Variants in MMAA observed in about 807,000 individuals in gnomAD.
MMAA encodes methylmalonic aciduria type A protein, mitochondrial.
In MMAA, 41 loss-of-function variants were observed where a neutral mutation model predicts 45.0. That is an observed-to-expected ratio of 0.91 (90% confidence interval 0.71 to 1.18). The LOEUF (loss-of-function observed/expected upper bound fraction) is 1.18. Ranked by LOEUF, MMAA falls within the 50% of genes most tolerant of loss-of-function variation. The pLI is 0.00. For synonymous variants in MMAA, 154 were observed against 178.2 expected, an observed-to-expected ratio of 0.86 and a Z score of 1.08; for missense variants, 460 against 495.7, an observed-to-expected ratio of 0.93 and a Z score of 0.68.
At chr4:145,627,590 A>G (rs1734230888) in intron 1 of MMAA, among the ~76,000 whole-genome samples, 1 of 152,178 alleles carries the variant, frequency 6.6e-6, no homozygotes, top group Non-Finnish European at 1.5e-5. Context: ...CTATAAGTAG[A>G]TAAATTAGAA....
chr4:145,639,024 C>A, intron 1 of MMAA, 51 bp from the exon 2 acceptor site: 2 of 926,634 alleles, frequency 2.2e-6, no homozygotes, highest in Non-Finnish European at 3.5e-6. Context: ...TTTACTACTT[C>A]AGTATTTTAG....
chr4:145,621,403 T>G (rs1370702529), intron 1 of MMAA, among the ~76,000 whole-genome samples: 1 of 152,120 alleles, frequency 6.6e-6, no homozygotes, highest in Non-Finnish European at 1.5e-5. Flanking sequence ...ACTGGAAAAG[T>G]GATAAAAAGT....
chr4:145,645,428 A>G (rs1434971248), intron 3 of MMAA, among the ~76,000 whole-genome samples: 3 of 152,200 alleles, frequency 2.0e-5, no homozygotes, highest in Admixed American at 1.3e-4. Flanking sequence ...ATTCCTGTAT[A>G]TAATTACATT....
intron 4 of MMAA, chr4:145,646,441 A>C: frequency 2.7e-6 from 1 of 369,282 alleles, no homozygotes. Context: ...ATCTGTGTAA[A>C]TGATGCTTTG....
chr4:145,630,557 C>T (rs1377497235), intron 1 of MMAA, among the ~76,000 whole-genome samples: 1 of 152,026 alleles, frequency 6.6e-6, no homozygotes, highest in Non-Finnish European at 1.5e-5. Context: ...GGAGAAACCC[C>T]ATCTCTACTA....
chr4:145,626,630 A>T (rs991400509), intron 1 of MMAA, among the ~76,000 whole-genome samples: 1 of 152,208 alleles, frequency 6.6e-6, no homozygotes, highest in African/African-American at 2.4e-5. Flanking sequence ...TAGAGTTGAC[A>T]CCATATAAAT....
Position 145,659,379 on chromosome 4 carries a change from A to C in MMAA, c.*3945A>C, listed in dbSNP as rs1728326227. ...AATTTCACTCTGTACTAGAAAATGT[A>C]GATGATGTGAGTCAAAGTTCATTAA... On this transcript the variant is annotated 3_prime_UTR_variant, in exon 7 of 7. Transcript: ENST00000649156. 1 of 152,212 alleles carries C rather than the reference A, an allele frequency of 6.6e-6. No homozygotes were observed. The highest frequency in any genetic ancestry group is 2.4e-5 in the African/African-American group (1 of 41,450). 9.4% of individuals were successfully genotyped at this position (152,212 alleles called of 1,614,324 possible). A position where few individuals can be genotyped will look rare whatever the true frequency, so the allele number is the denominator to read the frequency against.
intron 1 of MMAA, among the ~76,000 whole-genome samples, chr4:145,619,800 C>G (rs954841210): frequency 2.0e-5 from 3 of 152,162 alleles, no homozygotes; most frequent in Non-Finnish European, 4.4e-5. Context: ...GAGAAAGCCA[C>G]TATGACTCCT....
intron 4 of MMAA, 104 bp from the exon 5 acceptor site, chr4:145,650,958 A>G: frequency 2.0e-6 from 2 of 979,256 alleles, no homozygotes; most frequent in Non-Finnish European, 3.3e-6. Flanking sequence ...TGACTGTGTG[A>G]CCATGAGTAT....
chr4:145,644,738 C>T (rs1727879510), intron 3 of MMAA, among the ~76,000 whole-genome samples: 1 of 152,180 alleles, frequency 6.6e-6, no homozygotes, highest in Non-Finnish European at 1.5e-5. Context: ...AAGACGTGGT[C>T]CTGTAGGCAA....
chr4:145,655,586 A>G lies in MMAA; in HGVS notation c.*152A>G, dbSNP rs749564150. 1.7e-5 allele frequency: 12 copies of G among 716,024 alleles called. No homozygotes were observed. Among genetic ancestry groups the G allele is most frequent in the Non-Finnish European group, 2.7e-5 (12 of 448,206 alleles). 44.4% of individuals were successfully genotyped at this position (716,024 alleles called of 1,614,324 possible). ...TGCTTGAAAACTTGAAGGAAGTTAG[A>G]TATGAATGGCAAAAGTTAGGCAGTA... On this transcript the variant is annotated 3_prime_UTR_variant, in exon 7 of 7. Transcript: ENST00000649156.
intron 1 of MMAA, chr4:145,624,771 A>G: frequency 1.2e-6 from 2 of 1,600,256 alleles, no homozygotes; most frequent in Non-Finnish European, 1.7e-6. Flanking sequence ...CTCATCATAC[A>G]CGCACTCTGC....
chr4:145,652,451 G>A (rs1029248338), intron 5 of MMAA, among the ~76,000 whole-genome samples: 7 of 152,050 alleles, frequency 4.6e-5, no homozygotes, highest in African/African-American at 9.7e-5. Context: ...GGTATAGGCC[G>A]GGCGCAGTGG....
chr4:145,653,724 T>A (rs971784978), intron 5 of MMAA, among the ~76,000 whole-genome samples: 4 of 152,216 alleles, frequency 2.6e-5, no homozygotes, highest in Non-Finnish European at 2.9e-5. Context: ...TGCCACTCAA[T>A]CATGTTGTGA....
At position 145,642,356 on chromosome 4, in the gene MMAA, A is replaced by C. The variant is rs1337205137; in HGVS notation, c.440-7A>C. On this transcript the variant is annotated splice_polypyrimidine_tract_variant and splice_region_variant and intron_variant, in intron 2 of 6. Coordinates refer to ENST00000649156, the MANE Select transcript of MMAA (RefSeq NM_172250.3). Reference sequence around the variant, plus strand: ...TCATTGAATTAGAAGATCTCTTTCCACCGTAGGATTGTCTGGGCCCCCTGG... The same window carrying C: ...TCATTGAATTAGAAGATCTCTTTCCCCCGTAGGATTGTCTGGGCCCCCTGG... 2.5e-6 allele frequency: 4 copies of C among 1,613,778 alleles called. No individual in the cohort carries two copies. The South Asian group carries it at 4.4e-5, about 18-fold the overall frequency.
chr4:145,655,086 C>A (rs929139991), intron 6 of MMAA, 61 bp from the exon 7 acceptor site: 13 of 1,585,630 alleles, frequency 8.2e-6, no homozygotes, highest in East Asian at 2.2e-5. Flanking sequence ...GTATCAGCGT[C>A]CCTGTAAAAA....
intron 4 of MMAA, among the ~76,000 whole-genome samples, chr4:145,648,023 ATTT>A (rs771723312): frequency 7.6e-6 from 1 of 130,860 alleles, no homozygotes; most frequent in Non-Finnish European, 1.6e-5. Context: ...TGCCCAGCTA[ATTT>A]TTTTTTTTTT....
Position 145,639,083 on chromosome 4 carries a change from C to A in MMAA, c.-57C>A. On this transcript the variant is annotated 5_prime_UTR_variant, in exon 2 of 7. Coordinates refer to ENST00000649156, the MANE Select transcript of MMAA (RefSeq NM_172250.3). The stretch of plus-strand genomic sequence containing the variant: ...GTTTTTCTTTCTTCTAGGGAGGTCA[C>A]AATCACATTGAGCCAAAACGCATCC... The A allele has an allele frequency of 6.5e-7, 1 of 1,537,314 alleles. No individual in the cohort carries two copies. The highest frequency in any genetic ancestry group is 9.0e-7 in the Non-Finnish European group (1 of 1,110,264).
chr4:145,651,170 C>A (rs758629317), intron 5 of MMAA, 23 bp downstream of exon 5: 4 of 1,587,214 alleles, frequency 2.5e-6, no homozygotes, highest in Admixed American at 3.3e-5. Flanking sequence ...ATTTTTTCCC[C>A]CAAAAATATA....
Sources: gnomAD v4.1 joint callset for allele counts (sites outside exome capture counted in the v4.1 genomes callset) on GRCh38, gnomAD v4.1.1 for gene constraint, MANE v1.5 for transcripts, NCBI Gene and HGNC (gene_info 2026-07-23, HGNC 2026-07-21) for gene names.